The following NOL6 variants were observed in gnomAD, a reference collection of about 807,000 sequenced individuals.
NOL6 encodes nucleolar protein 6, also known as nucleolar RNA-associated protein.
NOL6 carries 33 observed loss-of-function variants against 131.7 expected under a neutral mutation model. The observed-to-expected ratio is 0.25, with a 90% CI of 0.19 to 0.33. The LOEUF (loss-of-function observed/expected upper bound fraction) is 0.33, where lower values mean the gene tolerates loss of function less well. Among genes scored for constraint, NOL6 ranks in the 10% least tolerant of loss-of-function variants. NOL6 has a pLI of 1.00. For missense variants in NOL6, 1,297 were observed against 1,494.5 expected (o/e 0.87, Z 2.18); for synonymous variants, 580 against 605.7 (o/e 0.96, Z 0.62).
rs373887926 is a variant in NOL6, at chr9:33,467,871, G to A, written c.1425-3C>T. The stretch of plus-strand genomic sequence containing the variant: ...GCAGGCGACTCAGTGGACGGAGACT[G>A]GAGGGGTACAAAGGGCCAAAGAGGG... On this transcript the variant is annotated splice_region_variant and splice_polypyrimidine_tract_variant and intron_variant, in intron 11 of 25. Transcript: ENST00000297990. This position sits in a 1 kb window ranked among gnomAD's most constrained non-coding sequence, Gnocchi z 4.4. 1.1e-5 allele frequency: 17 copies of A among 1,587,198 alleles called. No homozygotes were observed. In the African/African-American group the frequency reaches 1.3e-4, roughly 13 times the overall value.
chr9:33,466,767 A>G, intron 15 of NOL6, 58 bp from the exon 16 acceptor site: 2 of 1,599,834 alleles, frequency 1.3e-6, no homozygotes, highest in South Asian at 2.2e-5. Flanking sequence ...CTTCACCTGG[A>G]TTCTGCCCCA....
At chr9:33,472,522 C>G in intron 1 of NOL6, 110 bp from the exon 2 acceptor site, 1 of 826,780 alleles carries the variant, frequency 1.2e-6, no homozygotes, top group Non-Finnish European at 2.0e-6. Context: ...CTCTGTCCCT[C>G]TTTTGAGTAG....
Position 33,467,714 on chromosome 9 carries a change from G to A in NOL6, c.1579C>T (p.His527Tyr), listed in dbSNP as rs760969123. 7 of 1,575,962 alleles carry A rather than the reference G, an allele frequency of 4.4e-6. No individual in the cohort carries two copies. The highest frequency in any genetic ancestry group is 2.2e-5 in the East Asian group (1 of 44,670). The change falls in exon 12 of 26, where the codon CAC (histidine) becomes TAC (tyrosine). Residue 527 changes from histidine (H) to tyrosine (Y), a missense_variant. Coordinates refer to ENST00000297990, the MANE Select transcript of NOL6 (RefSeq NM_022917.5). The surrounding 1 kb of genome is among the most constrained non-coding windows in gnomAD (Gnocchi z 4.4). Reference protein sequence around the residue: ...GLGARLNLLAHSRPPVPEWDI... With the variant: ...GLGARLNLLAYSRPPVPEWDI... ...ACCTCTGGGACTGGGGGTCGAGAGT[G>A]AGCCAGCAGGTTCAGCCGAGCCCCC...
In NOL6 at chr9:33,466,640, A is replaced by G. The variant is rs777023821; in HGVS notation, c.2020T>C (p.Trp674Arg). The G allele has an allele frequency of 6.2e-6, 10 of 1,613,884 alleles. No homozygotes were observed. The African/African-American group carries it at 1.3e-4, about 22-fold the overall frequency. The change falls in exon 16 of 26, where the codon TGG becomes CGG. Residue 674 changes from tryptophan (W) to arginine (R), a missense_variant. Physicochemically the swap from Trp to Arg is moderately radical, Grantham distance 101. Transcript: ENST00000297990. ...GTCAGTGGGAGACCCTCTAGCCCCC[A>G]CAGTAGGCGACTGAGGTCGTCGTAG... ...RCYDDLSRLL[W>R]GLEGLPLTVS...
At position 33,464,951 on chromosome 9, in the gene NOL6, A is replaced by G. The variant is rs1457757640; in HGVS notation, c.2707T>C (p.Phe903Leu). Residue 903 changes from phenylalanine to leucine, a missense_variant, in exon 21 of 26, where the codon TTC (phenylalanine) becomes CTC (leucine). Coordinates refer to ENST00000297990, the MANE Select transcript of NOL6 (RefSeq NM_022917.5). ...PSSPQVGFLRFLFLVSTFDWK... is the reference protein window; with the variant it reads ...PSSPQVGFLRLLFLVSTFDWK... ...TCAAACGTTGATACCAAGAAAAGGA[A>G]TCGAAGGAAGCCAACCTGGGGGGAA... 1 of 1,613,910 alleles carries G rather than the reference A, an allele frequency of 6.2e-7. No homozygotes were observed. Among genetic ancestry groups the G allele is most frequent in the Non-Finnish European group, 8.5e-7 (1 of 1,180,000 alleles).
rs139620819 is a variant in NOL6 at position 33,466,594 on chromosome 9, G to A, written c.2066C>T (p.Ala689Val). The A allele has an allele frequency of 4.3e-6, 7 of 1,614,156 alleles. No homozygotes were observed. In the African/African-American group the frequency reaches 6.7e-5, roughly 15 times the overall value. Residue 689 changes from alanine (A) to valine (V), a missense_variant, in exon 16 of 26, where the codon GCT becomes GTT. Transcript: ENST00000297990. ...CTCTGTGTAGCGCAGCACTGGGTGAGCTCCCTGAACAGCAGACACGGTCAG... is the reference window on the plus strand; with the variant it reads ...CTCTGTGTAGCGCAGCACTGGGTGAACTCCCTGAACAGCAGACACGGTCAG... ...LPLTVSAVQGAHPVLRYTEVF... is the reference protein window; with the variant it reads ...LPLTVSAVQGVHPVLRYTEVF...
Position 33,472,274 on chromosome 9 carries a change from T to C in NOL6, c.193A>G (p.Thr65Ala). 1 of 1,614,224 alleles carries C rather than the reference T, an allele frequency of 6.2e-7. No individual in the cohort carries two copies. Among genetic ancestry groups the C allele is most frequent in the South Asian group, 1.1e-5 (1 of 91,090 alleles). ...CGAAGGCGATTAAGCTCCTCATTGG[T>C]AGGCTCCTTGTACAGTTCTGCCCTG... ...LSRAELYKEPTNEELNRLRET... is the reference protein window; with the variant it reads ...LSRAELYKEPANEELNRLRET... Residue 65 changes from threonine to alanine, a missense_variant, in exon 2 of 26, where the codon ACC (threonine) becomes GCC (alanine). By Grantham distance (58) the Thr-to-Ala change is moderately conservative (BLOSUM62 0). Transcript: ENST00000297990.
rs759056783 is a variant in NOL6, at chr9:33,463,424, G to C, written c.3012C>G (p.Pro1004=). ...GAATCAGCACGTCGTAAATGTCCAA[G>C]GGCGGCCGGAACACTGTCTAAGGAA... is the stretch of plus-strand genomic sequence containing the variant. ...PGDIRTVFRP[P]LDIYDVLIRL... is the part of the protein sequence containing the mutation. Residue 1004 remains proline, a synonymous_variant, in exon 24 of 26, where the codon CCC becomes CCG. Coordinates refer to ENST00000297990, the MANE Select transcript of NOL6 (RefSeq NM_022917.5). The C allele has an allele frequency of 6.2e-7, 1 of 1,612,416 alleles. No individual in the cohort carries two copies. Among genetic ancestry groups the C allele is most frequent in the East Asian group, 2.2e-5 (1 of 44,840 alleles).
chr9:33,464,873 A>AC lies in NOL6; in HGVS notation c.2779+5dup. 1.2e-6 allele frequency: 2 copies of AC among 1,600,814 alleles called. No homozygotes were observed. Among genetic ancestry groups the AC allele is most frequent in the Non-Finnish European group, 1.7e-6 (2 of 1,168,044 alleles). On this transcript the variant is annotated splice_donor_region_variant and intron_variant, in intron 21 of 25. Transcript: ENST00000297990. ...CCAGCAGTCTGACCCCTGTTCTACC[A>AC]CTTACCAGTGAGCTCATTATTGAGG... is the stretch of plus-strand genomic sequence containing the variant.
At position 33,467,896 on chromosome 9, in the gene NOL6, G is replaced by C. The variant is rs1338862520; in HGVS notation, c.1425-28C>G. 1 of 1,583,166 alleles carries C rather than the reference G, an allele frequency of 6.3e-7. No individual in the cohort carries two copies. Among genetic ancestry groups the C allele is most frequent in the African/African-American group, 1.3e-5 (1 of 74,408 alleles). ...GGAGGGGTACAAAGGGCCAAAGAGG[G>C]GTAATCAGGTTGCTGGCCCCTAGTA... is the stretch of plus-strand genomic sequence containing the variant. On this transcript the variant is annotated intron_variant, in intron 11 of 25. Coordinates refer to ENST00000297990, the MANE Select transcript of NOL6 (RefSeq NM_022917.5). The surrounding 1 kb of genome is among the most constrained non-coding windows in gnomAD (Gnocchi z 4.4).
In NOL6 at chr9:33,463,896, C is replaced by T. The variant is rs922430317; in HGVS notation, c.2929G>A (p.Ala977Thr). ...AQILQQLVVL[A>T]AEALPMLEKQ... ...TCTAACATGGGCAGGGCTTCAGCTG[C>T]CAGGACCACAAGCTGCTGCAGGATC... Residue 977 changes from alanine to threonine, a missense_variant, in exon 23 of 26, where the codon GCA (alanine) becomes ACA (threonine). Ala to Thr is a moderately conservative substitution (Grantham distance 58). Transcript: ENST00000297990. 10 of 1,614,142 alleles carry T rather than the reference C, an allele frequency of 6.2e-6. No individual in the cohort carries two copies. The highest frequency in any genetic ancestry group is 8.5e-6 in the Non-Finnish European group (10 of 1,180,018).
In NOL6 at chr9:33,462,519, T is replaced by C; in HGVS notation, c.*145A>G. On this transcript the variant is annotated 3_prime_UTR_variant, in exon 26 of 26. Coordinates refer to ENST00000297990, the MANE Select transcript of NOL6 (RefSeq NM_022917.5). ...ATCAGAGAGAAAGTTGGGGCTGGGT[T>C]TTGTTGGAGATGATTCAGCATGTTC... 1 of 925,236 alleles carries C rather than the reference T, an allele frequency of 1.1e-6. No homozygotes were observed. The highest frequency in any genetic ancestry group is 1.6e-6 in the Non-Finnish European group (1 of 615,996). The allele number at this position is 925,236 out of a possible 1,614,324, so 57.3% of individuals were successfully genotyped here. A position where few individuals can be genotyped will look rare whatever the true frequency, so the allele number is the denominator to read the frequency against.
chr9:33,462,367 C>G lies in NOL6; in HGVS notation c.*297G>C. On this transcript the variant is annotated 3_prime_UTR_variant, in exon 26 of 26. Coordinates refer to ENST00000297990, the MANE Select transcript of NOL6 (RefSeq NM_022917.5). ...GGGAAATCGCAGGGAGGTCCAGGCC[C>G]AGGGCTAATAGGTGGATGGATCTCC... The G allele has an allele frequency of 1.5e-6, 1 of 647,966 alleles. No individual in the cohort carries two copies. The highest frequency in any genetic ancestry group is 2.8e-6 in the Non-Finnish European group (1 of 356,146). 40.1% of individuals were successfully genotyped at this position (647,966 alleles called of 1,614,324 possible). A position where few individuals can be genotyped will look rare whatever the true frequency, so the allele number is the denominator to read the frequency against.
In NOL6 at chr9:33,466,373, C is replaced by G. The variant is rs370335926; in HGVS notation, c.2144G>C (p.Arg715Pro). ...CCGGGGCAGCAGTGAGGACCGCTCC[C>G]GCAGAGTCTCATAGAAGGAGAAGGC... ...RPAFSFYETL[R>P]ERSSLLPRLD... The change falls in exon 17 of 26, where the codon CGG becomes CCG. Residue 715 changes from arginine to proline, a missense_variant. Physicochemically the swap from Arg to Pro is moderately radical, Grantham distance 103 (BLOSUM62 -2). Transcript: ENST00000297990. 1 of 1,614,100 alleles carries G rather than the reference C, an allele frequency of 6.2e-7. No individual in the cohort carries two copies. The highest frequency in any genetic ancestry group is 8.5e-7 in the Non-Finnish European group (1 of 1,180,048).
In NOL6 at chr9:33,469,294, G is replaced by T; in HGVS notation, c.775C>A (p.Pro259Thr). ...VTVRLHPCPP[P>T]DFFRPCRLLP... ...AAGCGGCACGGGCGGAAGAAGTCAG[G>T]TGGAGGGCACGGATGCAGACGTACA... The change falls in exon 6 of 26, where the codon CCT becomes ACT. Residue 259 changes from proline to threonine, a missense_variant. Pro to Thr is a conservative substitution (Grantham distance 38). Transcript: ENST00000297990. 1 of 1,614,214 alleles carries T rather than the reference G, an allele frequency of 6.2e-7. No individual in the cohort carries two copies. The highest frequency in any genetic ancestry group is 8.5e-7 in the Non-Finnish European group (1 of 1,180,034).
intron 21 of NOL6, 139 bp downstream of exon 21, chr9:33,464,740 T>C (rs1827194008): frequency 3.1e-6 from 2 of 645,204 alleles, no homozygotes; most frequent in African/African-American, 3.6e-5. Flanking sequence ...GCTGTTCACC[T>C]GGACCTCTTC....
chr9:33,468,552 T>C lies in NOL6; in HGVS notation c.1162A>G (p.Thr388Ala). 2.5e-6 allele frequency: 4 copies of C among 1,614,120 alleles called. No homozygotes were observed. The highest frequency in any genetic ancestry group is 3.4e-6 in the Non-Finnish European group (4 of 1,180,008). ...VLQFLATTDLTVNGISLCLSS... is the reference protein window; with the variant it reads ...VLQFLATTDLAVNGISLCLSS... ...AGACATAAACTGATCCCGTTGACTG[T>C]CAGGTCTGTAGTGGCTGAAGTGAAT... Residue 388 changes from threonine (T) to alanine (A), a missense_variant, in exon 9 of 26, where the codon ACA becomes GCA. Thr to Ala is a moderately conservative substitution (Grantham distance 58). Transcript: ENST00000297990.
chr9:33,462,395 G>T lies in NOL6; in HGVS notation c.*269C>A. On this transcript the variant is annotated 3_prime_UTR_variant, in exon 26 of 26. Transcript: ENST00000297990. ...GGCTAATAGGTGGATGGATCTCCTGGGTTCAGTTCCTTCTCTGAGCTGGCT... is the reference window on the plus strand; with the variant it reads ...GGCTAATAGGTGGATGGATCTCCTGTGTTCAGTTCCTTCTCTGAGCTGGCT... 1.6e-6 allele frequency: 1 copy of T among 621,720 alleles called. No homozygotes were observed. The highest frequency in any genetic ancestry group is 1.9e-5 in the South Asian group (1 of 53,754). The allele number at this position is 621,720 out of a possible 1,614,324, so 38.5% of individuals were successfully genotyped here.
Position 33,471,989 on chromosome 9 carries a change from A to G in NOL6, c.378+15T>C. On this transcript the variant is annotated intron_variant, in intron 3 of 25. Transcript: ENST00000297990. Reference sequence around the variant, plus strand: ...TCTCTCTTGGGCTTCCCAGTTCCCCAGGCCACTTGCTTACCTCTGTCTCAG... The same window carrying G: ...TCTCTCTTGGGCTTCCCAGTTCCCCGGGCCACTTGCTTACCTCTGTCTCAG... 1 of 1,588,934 alleles carries G rather than the reference A, an allele frequency of 6.3e-7. No homozygotes were observed. Among genetic ancestry groups the G allele is most frequent in the Non-Finnish European group, 8.6e-7 (1 of 1,159,124 alleles).
Sources: allele counts gnomAD v4.1 joint callset, GRCh38; gene constraint gnomAD v4.1.1; non-coding constraint Gnocchi (gnomAD v3.1); transcripts MANE v1.5; gene names NCBI Gene and HGNC (gene_info 2026-07-23, HGNC 2026-07-21).